SENP6: variants seen among roughly 807,000 people sequenced by gnomAD.
SENP6 encodes the protein SUMO specific peptidase 6, also known as sentrin-specific protease 6.
In SENP6, 41 loss-of-function variants were observed where a neutral mutation model predicts 134.5. The observed-to-expected ratio is 0.30, with a 90% CI of 0.24 to 0.40. The LOEUF (loss-of-function observed/expected upper bound fraction) is 0.40, where lower values mean the gene tolerates loss of function less well. Ranked by LOEUF, SENP6 falls within the 10% of genes least tolerant of loss-of-function variation. The pLI, the probability that SENP6 is intolerant of heterozygous loss-of-function variation, is 1.00. For missense variants in SENP6, 1,248 were observed against 1,312.5 expected, an observed-to-expected ratio of 0.95 and a Z score of 0.76; for synonymous variants, 395 against 429.8, an observed-to-expected ratio of 0.92 and a Z score of 1.00.
At chr6:75,713,422 A>C in intron 21 of SENP6, 91 bp from the exon 22 acceptor site, 3 of 1,112,592 alleles carry the variant, frequency 2.7e-6, no homozygotes, top group Non-Finnish European at 4.0e-6. Context: ...GAAGGTTTTA[A>C]ATTTGATTGT....
intron 13 of SENP6, 27 bp downstream of exon 13, chr6:75,676,081 A>G (rs373268066): frequency 7.1e-7 from 1 of 1,407,142 alleles, no homozygotes; most frequent in African/African-American, 1.5e-5. Flanking sequence ...AGATTATAAT[A>G]GATAATAATA....
intron 17 of SENP6, among the ~76,000 whole-genome samples, chr6:75,696,635 C>T (rs1278928125): frequency 6.6e-6 from 1 of 152,134 alleles, no homozygotes; most frequent in Non-Finnish European, 1.5e-5. Flanking sequence ...CGCCACTCCA[C>T]CCAGCTAATT....
In SENP6 at chr6:75,703,122, A is replaced by AT. The variant is rs201827129; in HGVS notation, c.2716+56dup. 3.9e-3 allele frequency: 5,418 copies of AT among 1,389,934 alleles called. 179 individuals carry two copies. In the African/African-American group the frequency reaches 0.068, roughly 17 times the overall value. 86.1% of individuals were successfully genotyped at this position (1,389,934 alleles called of 1,614,324 possible). On this transcript the variant is annotated intron_variant, in intron 19 of 23. Coordinates refer to ENST00000447266, the MANE Select transcript of SENP6 (RefSeq NM_015571.4). Reference sequence around the variant, plus strand: ...AATGAAAAAATTCAGAATAATCTGGATTTTTTAATAAACAGGATTAAGATC... The same window carrying AT: ...AATGAAAAAATTCAGAATAATCTGGATTTTTTTAATAAACAGGATTAAGATC...
rs189786325 is a variant in SENP6, at chr6:75,692,561, G to C, written c.2076-3243G>C. ...GGATCACTTGAGCCCAGGAGTTTGA[G>C]GTTGCAGTGAGCTGTGACCATGCCA... On this transcript the variant is annotated intron_variant, in intron 16 of 23. Coordinates refer to ENST00000447266, the MANE Select transcript of SENP6 (RefSeq NM_015571.4). 1.9e-3 allele frequency among the ~76,000 whole-genome samples: 289 copies of C among 152,252 alleles called. 3 individuals are homozygous for C. Among genetic ancestry groups the C allele is most frequent in the African/African-American group, 6.6e-3 (274 of 41,542 alleles).
chr6:75,627,850 A>G (rs1289850088), intron 3 of SENP6, among the ~76,000 whole-genome samples: 3 of 151,616 alleles, frequency 2.0e-5, no homozygotes, highest in Admixed American at 6.6e-5. Flanking sequence ...CTAATTTTTT[A>G]TATTTTTAGT....
intron 6 of SENP6, among the ~76,000 whole-genome samples, chr6:75,644,593 T>A (rs1770291374): frequency 6.6e-6 from 1 of 152,148 alleles, no homozygotes; most frequent in Non-Finnish European, 1.5e-5. Flanking sequence ...CAAGCAATTC[T>A]TGTGCCTCAG....
intron 20 of SENP6, among the ~76,000 whole-genome samples, chr6:75,710,735 G>A (rs1775701318): frequency 6.6e-6 from 1 of 152,068 alleles, no homozygotes; most frequent in Admixed American, 6.6e-5. Flanking sequence ...CATTCGTAAA[G>A]TTGCCAGAAG....
intron 5 of SENP6, among the ~76,000 whole-genome samples, chr6:75,637,297 G>A (rs1177065699): frequency 6.6e-6 from 1 of 152,156 alleles, no homozygotes; most frequent in Non-Finnish European, 1.5e-5. Flanking sequence ...TAAAATCTGA[G>A]TAATTCGTAG....
At chr6:75,687,174 C>T (rs1355863126) in intron 16 of SENP6, among the ~76,000 whole-genome samples, 5 of 152,234 alleles carry the variant, frequency 3.3e-5, no homozygotes, top group Non-Finnish European at 7.4e-5. Flanking sequence ...ACTCTTTCTT[C>T]CTCTTGATCG....
intron 19 of SENP6, among the ~76,000 whole-genome samples, chr6:75,705,862 A>G (rs1177598185): frequency 1.3e-5 from 2 of 150,572 alleles, no homozygotes; most frequent in Non-Finnish European, 3.0e-5. Flanking sequence ...TGAATATGGA[A>G]CATACTCCTG....
At chr6:75,710,521 C>G (rs968367684) in intron 20 of SENP6, among the ~76,000 whole-genome samples, 8 of 152,050 alleles carry the variant, frequency 5.3e-5, no homozygotes, top group Admixed American at 1.3e-4. Context: ...GCTTAATCTT[C>G]CAGTGAACAA....
rs1011689227 is a variant in SENP6 at position 75,663,381 on chromosome 6, ATAT to A, written c.862_864del (p.Ile288del). 2.5e-6 allele frequency: 4 copies of A among 1,613,734 alleles called. No homozygotes were observed. Among genetic ancestry groups the A allele is most frequent in the East Asian group, 2.2e-5 (1 of 44,800 alleles). ...AACAATGTGGAAAAGGTTCCAATTG[ATAT>A]TATTGTGAATTGTGATGACAGTAAA... On this transcript the variant is annotated inframe_deletion, in exon 9 of 24. Coordinates refer to ENST00000447266, the MANE Select transcript of SENP6 (RefSeq NM_015571.4).
At chr6:75,619,759 A>G (rs1188821840) in intron 1 of SENP6, among the ~76,000 whole-genome samples, 2 of 152,092 alleles carry the variant, frequency 1.3e-5, no homozygotes, top group Non-Finnish European at 2.9e-5. Flanking sequence ...AGTTTCTCCC[A>G]CATCCTAGCC....
chr6:75,640,744 G>T (rs2149843472), intron 6 of SENP6, 40 bp downstream of exon 6: 1 of 1,233,982 alleles, frequency 8.1e-7, no homozygotes, highest in East Asian at 2.6e-5. Flanking sequence ...TGGATATAGT[G>T]GTAAAATATA....
chr6:75,708,101 C>G lies in SENP6; in HGVS notation c.2717-1426C>G, dbSNP rs187313045. On this transcript the variant is annotated intron_variant, in intron 19 of 23. Coordinates refer to ENST00000447266, the MANE Select transcript of SENP6 (RefSeq NM_015571.4). ...TTGAGACAGAGTCTTGCTCTATCAC[C>G]CAGGTCGGAGTACAGTGGCGCAGTC... is the stretch of plus-strand genomic sequence containing the variant. 2.0e-5 allele frequency among the ~76,000 whole-genome samples: 3 copies of G among 152,272 alleles called. No individual in the cohort carries two copies. The South Asian group carries it at 6.2e-4, about 32-fold the overall frequency.
At chr6:75,626,917 T>G (rs1768739819) in intron 3 of SENP6, among the ~76,000 whole-genome samples, 1 of 152,192 alleles carries the variant, frequency 6.6e-6, no homozygotes, top group Admixed American at 6.5e-5. Flanking sequence ...CTGGGTTTTT[T>G]TTTCCCTCTG....
chr6:75,670,923 G>T (rs968721086), intron 11 of SENP6, among the ~76,000 whole-genome samples: 4 of 149,362 alleles, frequency 2.7e-5, no homozygotes, highest in African/African-American at 9.7e-5. Context: ...ATATGTTATT[G>T]TTTATTATCA....
intron 23 of SENP6, among the ~76,000 whole-genome samples, 199 bp downstream of exon 23, chr6:75,714,024 A>G (rs1302143294): frequency 6.6e-6 from 1 of 152,178 alleles, no homozygotes; most frequent in Non-Finnish European, 1.5e-5. Context: ...CATCAAATCC[A>G]AGGCTTGTTG....
intron 20 of SENP6, 36 bp from the exon 21 acceptor site, chr6:75,711,292 A>G: frequency 2.1e-6 from 3 of 1,437,822 alleles, no homozygotes; most frequent in African/African-American, 1.4e-5. Context: ...TTTAGATTAT[A>G]TATTTTCAGT....
Sources: gnomAD v4.1 joint callset for allele counts (sites outside exome capture counted in the v4.1 genomes callset) on GRCh38, gnomAD v4.1.1 for gene constraint, MANE v1.5 for transcripts, NCBI Gene and HGNC (gene_info 2026-07-23, HGNC 2026-07-21) for gene names.